The following PCDHGA5 variants were observed in gnomAD, a reference collection of about 807,000 sequenced individuals.
PCDHGA5 encodes protocadherin gamma subfamily A, 5, also known as protocadherin gamma-A5.
In PCDHGA5, 36 loss-of-function variants were observed where a neutral mutation model predicts 56.7. The observed-to-expected ratio is 0.64, with a 90% CI of 0.49 to 0.84. The LOEUF is 0.84. PCDHGA5 is among the 40% of genes least tolerant of loss of function. The pLI, the probability that PCDHGA5 is intolerant of heterozygous loss-of-function variation, is 0.00. For missense variants in PCDHGA5, 1,305 were observed against 1,201.5 expected, an observed-to-expected ratio of 1.09 and a Z score of -1.27; for synonymous variants, 563 against 520.2, an observed-to-expected ratio of 1.08 and a Z score of -1.12.
chr5:141,457,233 T>G (rs1038193595), intron 1 of PCDHGA5, among the ~76,000 whole-genome samples: 9 of 152,208 alleles, frequency 5.9e-5, no homozygotes, highest in African/African-American at 2.2e-4. Flanking sequence ...AATTTCCATC[T>G]AAAATTTTAC....
intron 1 of PCDHGA5, among the ~76,000 whole-genome samples, chr5:141,472,980 C>CAAAAAAAAAAAAAA (rs60579131): frequency 5.8e-5 from 5 of 86,102 alleles, no homozygotes; most frequent in Admixed American, 1.2e-4. Context: ...GAGTGAAACT[C>CAAAAAAAAAAAAAA]AAAAAAAAAA....
intron 1 of PCDHGA5, chr5:141,430,662 C>A: frequency 8.6e-7 from 1 of 1,169,068 alleles, no homozygotes; most frequent in Non-Finnish European, 1.2e-6. Context: ...AACGGAGGAG[C>A]TCTGACTTCC....
intron 1 of PCDHGA5, among the ~76,000 whole-genome samples, chr5:141,445,902 T>C (rs1022574381): frequency 3.9e-5 from 6 of 152,186 alleles, no homozygotes; most frequent in Non-Finnish European, 8.8e-5. Context: ...TTAAAATATT[T>C]TAAACAAGGC....
intron 1 of PCDHGA5, among the ~76,000 whole-genome samples, chr5:141,453,623 T>C (rs1264665094): frequency 1.3e-5 from 2 of 152,238 alleles, no homozygotes; most frequent in Admixed American, 1.3e-4. Flanking sequence ...AAACAAAACC[T>C]ATACATATTT....
At chr5:141,383,213 A>C in intron 1 of PCDHGA5, 1 of 1,614,012 alleles carries the variant, frequency 6.2e-7, no homozygotes, top group Non-Finnish European at 8.5e-7. Flanking sequence ...TGTCTGGTAA[A>C]CTTTAACATC....
At chr5:141,377,773 A>G (rs987234769) in intron 1 of PCDHGA5, 4 of 152,220 alleles carry the variant, frequency 2.6e-5, no homozygotes, top group Admixed American at 6.5e-5. Flanking sequence ...TTTGGTGTTA[A>G]AAGACCTGAA....
rs375310818 is a variant in PCDHGA5 at position 141,376,558 on chromosome 5, C to A, written c.2421+9807C>A. On this transcript the variant is annotated intron_variant, in intron 1 of 3. Transcript: ENST00000518069. Reference sequence around the variant, plus strand: ...AAGAGTAATCTGATCTTCCCGCAACCCAACTAATCAGACAGGCTCATCAGC... The same window carrying A: ...AAGAGTAATCTGATCTTCCCGCAACACAACTAATCAGACAGGCTCATCAGC... The A allele has an allele frequency of 6.2e-6, 10 of 1,609,858 alleles. No individual in the cohort carries two copies. In the African/African-American group the frequency reaches 1.3e-4, roughly 22 times the overall value.
At chr5:141,498,372 C>A (rs1008996197) in intron 2 of PCDHGA5, among the ~76,000 whole-genome samples, 3 of 151,730 alleles carry the variant, frequency 2.0e-5, no homozygotes, top group Admixed American at 1.3e-4. Flanking sequence ...GTGGTGAGGC[C>A]TCCTGGGATC....
chr5:141,447,658 A>C (rs114314834), intron 1 of PCDHGA5, among the ~76,000 whole-genome samples: 3,576 of 152,302 alleles, frequency 0.023, 90 homozygotes, highest in Non-Finnish European at 0.03. Context: ...TTTCCCCCCC[A>C]GGAAGTTAGA....
chr5:141,375,006 A>G (rs774947515), intron 1 of PCDHGA5: 25 of 1,613,884 alleles, frequency 1.5e-5, no homozygotes, highest in Non-Finnish European at 1.8e-5. Context: ...GCAAATCTAG[A>G]CTATGAGGAC....
In PCDHGA5 at chr5:141,485,111, G is replaced by C. The variant is rs2099607127; in HGVS notation, c.2422-9696G>C. On this transcript the variant is annotated intron_variant, in intron 1 of 3. Coordinates refer to ENST00000518069, the MANE Select transcript of PCDHGA5 (RefSeq NM_018918.3). The surrounding 1 kb of genome is among the most constrained non-coding windows in gnomAD (Gnocchi z 5.7). The stretch of plus-strand genomic sequence containing the variant: ...ATAGGTGTCTCCAGCTGCTGTGGCT[G>C]TTTGGGGCGGGTCGGCTTCATCCGC... 5.4e-6 allele frequency: 7 copies of C among 1,287,562 alleles called. No individual in the cohort carries two copies. The highest frequency in any genetic ancestry group is 7.8e-6 in the Non-Finnish European group (7 of 899,436). 79.8% of individuals were successfully genotyped at this position (1,287,562 alleles called of 1,614,324 possible). A position where few individuals can be genotyped will look rare whatever the true frequency, so the allele number is the denominator to read the frequency against.
chr5:141,390,446 G>A, intron 1 of PCDHGA5: 1 of 862,526 alleles, frequency 1.2e-6, no homozygotes, highest in Non-Finnish European at 1.7e-6. Context: ...CTACAAAGGA[G>A]GAGTAAAGTA....
intron 1 of PCDHGA5, chr5:141,383,437 C>T (rs965503415): frequency 6.3e-5 from 101 of 1,613,860 alleles, no homozygotes; most frequent in Non-Finnish European, 8.4e-5. Flanking sequence ...CCACTTCTCC[C>T]TGGCTGTGCA....
At chr5:141,399,464 C>G in intron 1 of PCDHGA5, 1 of 1,614,018 alleles carries the variant, frequency 6.2e-7, no homozygotes, top group Non-Finnish European at 8.5e-7. Flanking sequence ...GATAACGCTC[C>G]GGTTTTCCAC....
chr5:141,451,284 G>A (rs950768919), intron 1 of PCDHGA5, among the ~76,000 whole-genome samples: 1 of 152,186 alleles, frequency 6.6e-6, no homozygotes. Context: ...GAGTGCCTCT[G>A]CCTCAAAGTC....
intron 2 of PCDHGA5, among the ~76,000 whole-genome samples, chr5:141,497,248 G>A (rs1442942520): frequency 6.6e-6 from 1 of 152,128 alleles, no homozygotes; most frequent in African/African-American, 2.4e-5. Context: ...AGGAGGAGGT[G>A]ACATTGAGAA....
At chr5:141,484,707 G>C (rs1288663675) in intron 1 of PCDHGA5, among the ~76,000 whole-genome samples, 1 of 151,802 alleles carries the variant, frequency 6.6e-6, no homozygotes. Flanking sequence ...TGTTTTCCCC[G>C]CCGAAAAGGG....
chr5:141,367,760 C>T (rs1765322147), intron 1 of PCDHGA5: 1 of 152,102 alleles, frequency 6.6e-6, no homozygotes, highest in Non-Finnish European at 1.5e-5. Flanking sequence ...TACTGCTGCA[C>T]TCAATAAATG....
chr5:141,477,794 C>G lies in PCDHGA5; in HGVS notation c.2422-17013C>G, dbSNP rs148942362. The G allele has an allele frequency of 6.2e-7, 1 of 1,614,086 alleles. No individual in the cohort carries two copies. The highest frequency in any genetic ancestry group is 1.1e-5 in the South Asian group (1 of 91,082). On this transcript the variant is annotated intron_variant, in intron 1 of 3. Transcript: ENST00000518069. This position sits in a 1 kb window ranked among gnomAD's most constrained non-coding sequence, Gnocchi z 4.9. ...CAGCGTGAACATATTTGTCACTGAT[C>G]GCAATGACAATGCCCCCCAGGTCCT...
Sources: allele counts gnomAD v4.1 joint callset (sites outside exome capture counted in the v4.1 genomes callset), GRCh38; gene constraint gnomAD v4.1.1; non-coding constraint Gnocchi (gnomAD v3.1); transcripts MANE v1.5; gene names NCBI Gene and HGNC (gene_info 2026-07-23, HGNC 2026-07-21).